The following MBD3 variants were observed in gnomAD, a reference collection of about 807,000 sequenced individuals.
MBD3 encodes the protein methyl-CpG-binding domain protein 3.
In MBD3, 13 loss-of-function variants were observed where a neutral mutation model predicts 31.2. The observed-to-expected ratio is 0.42, with a 90% CI of 0.27 to 0.66. MBD3 has a LOEUF of 0.66. Ranked by LOEUF, MBD3 falls within the 30% of genes least tolerant of loss-of-function variation. The probability of loss-of-function intolerance (pLI) is 0.26; values close to 1 mark genes in which losing one functional copy is unlikely to be tolerated. For synonymous variants in MBD3, 223 were observed against 187.4 expected, an observed-to-expected ratio of 1.19 and a Z score of -1.55; for missense variants, 440 against 426.5, an observed-to-expected ratio of 1.03 and a Z score of -0.28.
chr19:1,591,407 A>C (rs2060702930), intron 1 of MBD3, among the ~76,000 whole-genome samples: 2 of 152,162 alleles, frequency 1.3e-5, no homozygotes, highest in African/African-American at 2.4e-5. Flanking sequence ...CCAAACCGGG[A>C]CAGTCAAGAA....
rs1169879912 is a variant in MBD3 at position 1,592,505 on chromosome 19, C to G, written c.110+17G>C. The G allele has an allele frequency of 3.7e-6, 5 of 1,359,834 alleles. No individual in the cohort carries two copies. The highest frequency in any genetic ancestry group is 9.8e-7 in the Non-Finnish European group (1 of 1,021,498). The allele number at this position is 1,359,834 out of a possible 1,614,324, so 84.2% of individuals were successfully genotyped here. A position where few individuals can be genotyped will look rare whatever the true frequency, so the allele number is the denominator to read the frequency against. On this transcript the variant is annotated intron_variant, in intron 1 of 6. Transcript: ENST00000434436. ...AGGAGCCCGTTGAGGCCCTGCGCGG[C>G]CGGCGCGCTCATTCACCTATAGTAA...
Position 1,584,687 on chromosome 19 carries a change from G to A in MBD3, c.271-10C>T, listed in dbSNP as rs749620078. 1.1e-5 allele frequency: 17 copies of A among 1,609,676 alleles called. No homozygotes were observed. The highest frequency in any genetic ancestry group is 5.5e-5 in the South Asian group (5 of 91,074). Reference sequence around the variant, plus strand: ...TCAGGTCGGGCTTGCCCTGCGGGAGGAAGGATATGCAGTCCGGCCTGGGGG... The same window carrying A: ...TCAGGTCGGGCTTGCCCTGCGGGAGAAAGGATATGCAGTCCGGCCTGGGGG... On this transcript the variant is annotated splice_polypyrimidine_tract_variant and intron_variant, in intron 2 of 6. Transcript: ENST00000434436.
At chr19:1,579,413 C>T (rs1227593200) in intron 5 of MBD3, among the ~76,000 whole-genome samples, 1 of 152,038 alleles carries the variant, frequency 6.6e-6, no homozygotes, top group Non-Finnish European at 1.5e-5. Context: ...AAGCTGATGC[C>T]AGGCACTCCA....
At position 1,578,823 on chromosome 19, in the gene MBD3, G is replaced by A. The variant is rs1917279204; in HGVS notation, c.678-285C>T. Among the ~76,000 whole-genome samples the A allele has an allele frequency of 6.6e-6, 1 of 152,168 alleles. No individual in the cohort carries two copies. Among genetic ancestry groups the A allele is most frequent in the Admixed American group, 6.5e-5 (1 of 15,288 alleles). On this transcript the variant is annotated intron_variant, in intron 5 of 6. Coordinates refer to ENST00000434436, the MANE Select transcript of MBD3 (RefSeq NM_001281453.2). The surrounding 1 kb of genome is among the most constrained non-coding windows in gnomAD (Gnocchi z 6.1). ...CCCTTCAGTCCCCAGACTTGGCCCT[G>A]AGCCTCCCCGGGGCTCAGCTGTGTA...
rs2060668916 is a variant in MBD3 at position 1,584,637 on chromosome 19, G to A, written c.311C>T (p.Thr104Met). ...CACCGGCTGCTTGAAGATGGACGCCGTCTGGCGCACGGGCAGCGCCGTGTT... is the reference window on the plus strand; with the variant it reads ...CACCGGCTGCTTGAAGATGGACGCCATCTGGCGCACGGGCAGCGCCGTGTT... ...DLNTALPVRQTASIFKQPVTK... is the reference protein window; with the variant it reads ...DLNTALPVRQMASIFKQPVTK... The change falls in exon 3 of 7, where the codon ACG (threonine) becomes ATG (methionine). Residue 104 changes from threonine to methionine, a missense_variant. Transcript: ENST00000434436. 4 of 1,613,644 alleles carry A rather than the reference G, an allele frequency of 2.5e-6. No individual in the cohort carries two copies.
intron 3 of MBD3, 72 bp downstream of exon 3, chr19:1,584,468 C>A: frequency 6.3e-7 from 1 of 1,598,334 alleles, no homozygotes; most frequent in South Asian, 1.1e-5. Flanking sequence ...CGTACGACCT[C>A]ATTCCAAACG....
intron 3 of MBD3, 63 bp from the exon 4 acceptor site, chr19:1,582,775 G>C: frequency 6.7e-7 from 1 of 1,482,416 alleles, no homozygotes; most frequent in Non-Finnish European, 9.3e-7. Flanking sequence ...CCAGGTCCTT[G>C]CTGGGCTCCA....
chr19:1,575,595 C>T lies in MBD3; in HGVS notation c.*2569G>A, dbSNP rs1916373546. On this transcript the variant is annotated 3_prime_UTR_variant, in exon 7 of 7. Transcript: ENST00000434436. ...CCCATGCCAGGTCTGGGTTCTGGGG[C>T]TGGAGTGTGGAGCCTCGGTGCGCCC... 1 of 179,612 alleles carries T rather than the reference C, an allele frequency of 5.6e-6. No homozygotes were observed. The highest frequency in any genetic ancestry group is 1.2e-5 in the Non-Finnish European group (1 of 83,456). 11.1% of individuals were successfully genotyped at this position (179,612 alleles called of 1,614,324 possible).
chr19:1,585,244 G>C lies in MBD3; in HGVS notation c.111-30C>G. On this transcript the variant is annotated intron_variant, in intron 1 of 6. Transcript: ENST00000434436. This position sits in a 1 kb window ranked among gnomAD's most constrained non-coding sequence, Gnocchi z 4.1. The stretch of plus-strand genomic sequence containing the variant: ...GGGGAGGCGGGACGGTCGGCGCCCC[G>C]GGCGGACCCCAGACCCCAAACCCAG... 1 of 1,550,874 alleles carries C rather than the reference G, an allele frequency of 6.4e-7. No homozygotes were observed. Among genetic ancestry groups the C allele is most frequent in the Admixed American group, 1.9e-5 (1 of 52,926 alleles).
chr19:1,590,021 CTGGGGGCCGGGT>C, intron 1 of MBD3, among the ~76,000 whole-genome samples: 1 of 152,154 alleles, frequency 6.6e-6, no homozygotes, highest in Admixed American at 6.5e-5. Context: ...CTAAAAACCA[CTGGGGGCCGGGT>C]GTGGTGGCTC....
intron 3 of MBD3, chr19:1,583,473 T>A (rs924816174): frequency 2.0e-5 from 3 of 150,728 alleles, no homozygotes; most frequent in African/African-American, 7.4e-5. Flanking sequence ...CAGTCACATA[T>A]GGGCAGTCAA....
rs560110930 is a variant in MBD3 at position 1,575,534 on chromosome 19, G to A, written c.*2630C>T. 4 of 197,450 alleles carry A rather than the reference G, an allele frequency of 2.0e-5. No individual in the cohort carries two copies. The highest frequency in any genetic ancestry group is 1.3e-4 in the South Asian group (2 of 15,450). The allele number at this position is 197,450 out of a possible 1,614,324, so 12.2% of individuals were successfully genotyped here. On this transcript the variant is annotated 3_prime_UTR_variant, in exon 7 of 7. Coordinates refer to ENST00000434436, the MANE Select transcript of MBD3 (RefSeq NM_001281453.2). Reference sequence around the variant, plus strand: ...GGCAGGCTGGTCATGAGGCCCCCACGAAAGATCCCAGCATTGGGAGCTCAG... The same window carrying A: ...GGCAGGCTGGTCATGAGGCCCCCACAAAAGATCCCAGCATTGGGAGCTCAG...
In MBD3 at chr19:1,585,060, C is replaced by A; in HGVS notation, c.265G>T (p.Val89Phe). The change falls in exon 2 of 7, where the codon GTC becomes TTC. Residue 89 changes from valine to phenylalanine, a missense_variant. Val to Phe is a conservative substitution (Grantham distance 50). Around this residue, in one of 3 missense-constraint regions of MBD3, gnomAD observed 179 missense variants for 134.7 expected, o/e 1.33. Transcript: ENST00000434436. The surrounding 1 kb of genome is among the most constrained non-coding windows in gnomAD (Gnocchi z 4.1). Reference sequence around the variant, plus strand: ...TGCGTGACGCCACCACTCACCTTGACCTGGTTGGAGGAGTCGTAGCGCACG... The same window carrying A: ...TGCGTGACGCCACCACTCACCTTGAACTGGTTGGAGGAGTCGTAGCGCACG... ...QRVRYDSSNQ[V>F]KGKPDLNTAL... 6.2e-7 allele frequency: 1 copy of A among 1,611,810 alleles called. No homozygotes were observed. The highest frequency in any genetic ancestry group is 8.5e-7 in the Non-Finnish European group (1 of 1,179,316).
intron 1 of MBD3, among the ~76,000 whole-genome samples, chr19:1,587,817 C>T (rs371203493): frequency 1.2e-3 from 189 of 152,324 alleles, no homozygotes; most frequent in African/African-American, 4.3e-3. Context: ...TCAACAGTCA[C>T]TTTTATTAAT....
chr19:1,582,588 T>C, intron 4 of MBD3, 34 bp downstream of exon 4: 1 of 1,600,324 alleles, frequency 6.2e-7, no homozygotes, highest in Non-Finnish European at 8.5e-7. Context: ...ACCCGGCACA[T>C]CCCCTTCCGC....
At position 1,585,710 on chromosome 19, in the gene MBD3, T is replaced by G. The variant is rs1449844018; in HGVS notation, c.111-496A>C. On this transcript the variant is annotated intron_variant, in intron 1 of 6. Coordinates refer to ENST00000434436, the MANE Select transcript of MBD3 (RefSeq NM_001281453.2). This position sits in a 1 kb window ranked among gnomAD's most constrained non-coding sequence, Gnocchi z 4.1. ...TCCAGACATGGAATTTAGGTCACAT[T>G]CTTGAGAAAAGACCCCACGGAGAAC... Among the ~76,000 whole-genome samples, 3 of 152,220 alleles carry G rather than the reference T, an allele frequency of 2.0e-5. No individual in the cohort carries two copies. The highest frequency in any genetic ancestry group is 7.2e-5 in the African/African-American group (3 of 41,448).
intron 5 of MBD3, among the ~76,000 whole-genome samples, chr19:1,580,330 C>G (rs953053915): frequency 2.0e-5 from 3 of 152,194 alleles, no homozygotes; most frequent in Non-Finnish European, 4.4e-5. Flanking sequence ...CATCTGTTCA[C>G]CCTGTGTGGG....
chr19:1,577,573 G>A lies in MBD3; in HGVS notation c.*591C>T, dbSNP rs1429401182. 2.0e-5 allele frequency: 3 copies of A among 152,322 alleles called. No homozygotes were observed. The highest frequency in any genetic ancestry group is 1.3e-4 in the Admixed American group (2 of 15,278). 9.4% of individuals were successfully genotyped at this position (152,322 alleles called of 1,614,324 possible). ...GGCTGCCCGATGACGTGCCTCGACT[G>A]TGTTACATTTACTGAAGGAGAGCGG... is the stretch of plus-strand genomic sequence containing the variant. On this transcript the variant is annotated 3_prime_UTR_variant, in exon 7 of 7. Coordinates refer to ENST00000434436, the MANE Select transcript of MBD3 (RefSeq NM_001281453.2).
Position 1,585,081 on chromosome 19 carries a change from G to A in MBD3, c.244C>T (p.Arg82Cys), listed in dbSNP as rs750757721. The change falls in exon 2 of 7, where the codon CGC becomes TGC. Residue 82 changes from arginine to cysteine, a missense_variant. Physicochemically the swap from Arg to Cys is radical, Grantham distance 180 (BLOSUM62 -3). Coordinates refer to ENST00000434436, the MANE Select transcript of MBD3 (RefSeq NM_001281453.2). This position sits in a 1 kb window ranked among gnomAD's most constrained non-coding sequence, Gnocchi z 4.1. Reference sequence around the variant, plus strand: ...TTGACCTGGTTGGAGGAGTCGTAGCGCACGCGCTGGCGGCTCTTGTTCATC... The same window carrying A: ...TTGACCTGGTTGGAGGAGTCGTAGCACACGCGCTGGCGGCTCTTGTTCATC... ...SKMNKSRQRV[R>C]YDSSNQVKGK... The A allele has an allele frequency of 2.5e-6, 4 of 1,612,350 alleles. No homozygotes were observed. The highest frequency in any genetic ancestry group is 1.3e-5 in the African/African-American group (1 of 75,034).
Sources: gnomAD v4.1 joint callset for allele counts (sites outside exome capture counted in the v4.1 genomes callset) on GRCh38, gnomAD v4.1.1 for gene constraint, gnomAD v4.1.1 regional missense constraint, Gnocchi (gnomAD v3.1) non-coding constraint, MANE v1.5 for transcripts, NCBI Gene and HGNC (gene_info 2026-07-23, HGNC 2026-07-21) for gene names.